The following UMAD1 variants were observed in gnomAD, a reference collection of about 807,000 sequenced individuals.
UMAD1 encodes UBAP1-MVB12-associated (UMA) domain containing 1, also known as UBAP1-MVB12-associated (UMA)-domain containing protein 1.
In UMAD1, 8 loss-of-function variants were observed where a neutral mutation model predicts 6.1. The observed-to-expected ratio is 1.30, with a 90% CI of 0.76 to 2.35. The LOEUF (loss-of-function observed/expected upper bound fraction) is 2.35, where lower values mean the gene tolerates loss of function less well. Ranked by LOEUF, UMAD1 falls within the 30% of genes most tolerant of loss-of-function variation. The probability of loss-of-function intolerance (pLI) is 0.00; values close to 1 mark genes in which losing one functional copy is unlikely to be tolerated. For synonymous variants in UMAD1, 56 were observed against 31.4 expected, an observed-to-expected ratio of 1.78 and a Z score of -2.61; for missense variants, 130 against 78.4, an observed-to-expected ratio of 1.66 and a Z score of -2.49.
intron 3 of UMAD1, among the ~76,000 whole-genome samples, chr7:7,865,689 G>A (rs1160171240): frequency 6.6e-6 from 1 of 152,178 alleles, no homozygotes; most frequent in Non-Finnish European, 1.5e-5. Context: ...CCCTGTTGCT[G>A]TTCATGTCCA....
intron 1 of UMAD1, among the ~76,000 whole-genome samples, chr7:7,656,753 T>G (rs1358709491): frequency 2.0e-5 from 3 of 152,250 alleles, no homozygotes; most frequent in Non-Finnish European, 2.9e-5. Flanking sequence ...TCTGCTGTTG[T>G]GAACAGTGCT....
chr7:7,717,002 T>G (rs1001217947), intron 2 of UMAD1, among the ~76,000 whole-genome samples: 4 of 151,984 alleles, frequency 2.6e-5, no homozygotes, highest in African/African-American at 9.7e-5. Flanking sequence ...TCGGGACCCC[T>G]TCCTCTGCAC....
At chr7:7,689,925 C>T (rs1481948283) in intron 2 of UMAD1, among the ~76,000 whole-genome samples, 1 of 152,262 alleles carries the variant, frequency 6.6e-6, no homozygotes, top group East Asian at 1.9e-4. Flanking sequence ...GTTAAACATG[C>T]TCACATAATA....
chr7:7,688,294 A>G (rs1554315337), intron 2 of UMAD1, among the ~76,000 whole-genome samples: 3 of 151,758 alleles, frequency 2.0e-5, no homozygotes, highest in Non-Finnish European at 4.4e-5. Flanking sequence ...AAGGTGGGAG[A>G]GTTGTTGTCA....
At chr7:7,825,259 C>T (rs17494328) in intron 3 of UMAD1, among the ~76,000 whole-genome samples, 57,930 of 151,982 alleles carry the variant, frequency 0.38, 11,471 homozygotes, top group East Asian at 0.59. Context: ...CCATTCACAA[C>T]GAGATAGTCA....
At chr7:7,702,638 T>C (rs1780488838) in intron 2 of UMAD1, among the ~76,000 whole-genome samples, 1 of 152,246 alleles carries the variant, frequency 6.6e-6, no homozygotes, top group Non-Finnish European at 1.5e-5. Context: ...AAGCAAAAGT[T>C]TCTTAATGTC....
At chr7:7,722,323 G>A (rs976357221) in intron 2 of UMAD1, among the ~76,000 whole-genome samples, 1 of 151,986 alleles carries the variant, frequency 6.6e-6, no homozygotes. Context: ...CGTTGGTTTT[G>A]GGGATTCTGG....
chr7:7,837,845 C>A (rs909669790), intron 3 of UMAD1, among the ~76,000 whole-genome samples: 1 of 151,962 alleles, frequency 6.6e-6, no homozygotes, highest in Non-Finnish European at 1.5e-5. Flanking sequence ...ACGTGAAAAC[C>A]CTACATAAGG....
chr7:7,775,109 T>A (rs1462114071), intron 2 of UMAD1, among the ~76,000 whole-genome samples: 6 of 152,234 alleles, frequency 3.9e-5, no homozygotes, highest in Non-Finnish European at 8.8e-5. Flanking sequence ...AAAGACTGAT[T>A]TGAGCTCATT....
intron 3 of UMAD1, among the ~76,000 whole-genome samples, chr7:7,805,672 C>T (rs1448973858): frequency 6.6e-6 from 1 of 152,164 alleles, no homozygotes; most frequent in Admixed American, 6.5e-5. Flanking sequence ...TTTTTCTCCC[C>T]ATCCCCATCC....
intron 3 of UMAD1, among the ~76,000 whole-genome samples, chr7:7,810,951 C>T (rs1263378627): frequency 6.6e-6 from 1 of 152,174 alleles, no homozygotes; most frequent in Non-Finnish European, 1.5e-5. Flanking sequence ...AGGGACCTTT[C>T]CAGCAGGGAG....
intron 3 of UMAD1, among the ~76,000 whole-genome samples, chr7:7,802,173 A>T (rs1219227434): frequency 6.6e-6 from 1 of 152,112 alleles, no homozygotes; most frequent in Non-Finnish European, 1.5e-5. Context: ...AGGTCAAGAG[A>T]TCAAGACCAT....
chr7:7,744,904 T>C (rs1287101028), intron 2 of UMAD1, among the ~76,000 whole-genome samples: 1 of 152,162 alleles, frequency 6.6e-6, no homozygotes, highest in African/African-American at 2.4e-5. Flanking sequence ...CCTTACAACA[T>C]GGGAGTTAGG....
chr7:7,876,080 AAAGT>A (rs1160465295), intron 3 of UMAD1, among the ~76,000 whole-genome samples: 2 of 152,192 alleles, frequency 1.3e-5, no homozygotes, highest in African/African-American at 2.4e-5. Context: ...AAACCACGTA[AAAGT>A]AAGTTTTATA....
chr7:7,783,427 A>C (rs1174687368), intron 2 of UMAD1, among the ~76,000 whole-genome samples: 2 of 151,892 alleles, frequency 1.3e-5, no homozygotes, highest in African/African-American at 4.8e-5. Flanking sequence ...AGAGAAATTC[A>C]GATGCTGCAC....
intron 3 of UMAD1, among the ~76,000 whole-genome samples, chr7:7,840,097 C>A (rs576169055): frequency 1.7e-4 from 26 of 152,028 alleles, no homozygotes; most frequent in African/African-American, 5.3e-4. Context: ...AAAAATGGAC[C>A]CCCCATTTTG....
At chr7:7,684,500 C>T (rs146003541) in intron 2 of UMAD1, among the ~76,000 whole-genome samples, 6 of 152,242 alleles carry the variant, frequency 3.9e-5, no homozygotes, top group South Asian at 4.2e-4. Context: ...TGAGCCACCA[C>T]GCTTGGCAAC....
chr7:7,661,391 C>G (rs1038280399), intron 1 of UMAD1, among the ~76,000 whole-genome samples: 1 of 152,130 alleles, frequency 6.6e-6, no homozygotes, highest in South Asian at 2.1e-4. Flanking sequence ...AAGGGGCATT[C>G]TGGTTTTTGG....
chr7:7,740,146 A>T (rs886502982), intron 2 of UMAD1, among the ~76,000 whole-genome samples: 1 of 152,232 alleles, frequency 6.6e-6, no homozygotes, highest in African/African-American at 2.4e-5. Context: ...CTTTCATTTG[A>T]AAACTGGCTT....
Sources: allele counts gnomAD v4.1 joint callset (sites outside exome capture counted in the v4.1 genomes callset), GRCh38; gene constraint gnomAD v4.1.1; transcripts MANE v1.5; gene names NCBI Gene and HGNC (gene_info 2026-07-23, HGNC 2026-07-21).